GRAMD1B: variants seen among roughly 807,000 people sequenced by gnomAD.
GRAMD1B encodes the protein protein Aster-B.
A neutral mutation model predicts 99.7 loss-of-function variants in GRAMD1B; 37 were observed. The observed-to-expected ratio is 0.37, with a 90% CI of 0.29 to 0.49. The LOEUF is 0.49. Among genes scored for constraint, GRAMD1B ranks in the 20% least tolerant of loss-of-function variants. The probability of loss-of-function intolerance (pLI) is 0.98; values close to 1 mark genes in which losing one functional copy is unlikely to be tolerated. For synonymous variants in GRAMD1B, 427 were observed against 387.6 expected, an observed-to-expected ratio of 1.10 and a Z score of -1.19; for missense variants, 888 against 1,009.2, an observed-to-expected ratio of 0.88 and a Z score of 1.63.
chr11:123,511,296 G>T (rs2135298383), intron 2 of GRAMD1B, among the ~76,000 whole-genome samples: 1 of 152,280 alleles, frequency 6.6e-6, no homozygotes, highest in African/African-American at 2.4e-5. Context: ...GAGTTTTTAT[G>T]TGAGTGGCAG....
At chr11:123,548,291 AATATATAT>A (rs139996126) in intron 2 of GRAMD1B, among the ~76,000 whole-genome samples, 2,204 of 75,088 alleles carry the variant, frequency 0.029, 123 homozygotes, top group African/African-American at 0.11. Flanking sequence ...GCTGTGCCAA[AATATATAT>A]ATATATATAT....
chr11:123,419,639 C>CAACAA (rs759392443), intron 1 of GRAMD1B, among the ~76,000 whole-genome samples: 3 of 149,994 alleles, frequency 2.0e-5, no homozygotes, highest in African/African-American at 4.9e-5. Flanking sequence ...AAAACAACAA[C>CAACAA]AACAAAACAA....
At chr11:123,599,170 G>A in intron 7 of GRAMD1B, 1 of 780,182 alleles carries the variant, frequency 1.3e-6, no homozygotes, top group Non-Finnish European at 2.4e-6. Context: ...TGCTTCCGGT[G>A]GAATTCCTTT....
At chr11:123,517,647 G>T (rs896744978) in intron 2 of GRAMD1B, among the ~76,000 whole-genome samples, 2 of 105,376 alleles carry the variant, frequency 1.9e-5, no homozygotes, top group Middle Eastern at 5.1e-3. Flanking sequence ...ACACACCACC[G>T]GGGGTGGTGT....
intron 2 of GRAMD1B, among the ~76,000 whole-genome samples, chr11:123,554,544 AAG>A (rs1945975992): frequency 6.7e-6 from 1 of 149,432 alleles, no homozygotes; most frequent in Non-Finnish European, 1.5e-5. Flanking sequence ...AAAAAAAAAA[AAG>A]AAAGAAAGAA....
intron 1 of GRAMD1B, among the ~76,000 whole-genome samples, chr11:123,369,605 C>T (rs999658886): frequency 2.0e-5 from 3 of 152,140 alleles, no homozygotes; most frequent in Non-Finnish European, 4.4e-5. Context: ...GGCACGGTGG[C>T]TCATGCCTGC....
Position 123,580,890 on chromosome 11 carries a change from C to T in GRAMD1B, c.663+3313C>T, listed in dbSNP as rs148455625. Among the ~76,000 whole-genome samples, 456 of 149,310 alleles carry T rather than the reference C, an allele frequency of 3.1e-3. 4 individuals are homozygous for T. Among genetic ancestry groups the T allele is most frequent in the Admixed American group, 0.013 (192 of 14,834 alleles). On this transcript the variant is annotated intron_variant, in intron 3 of 19. Transcript: ENST00000635736. The stretch of plus-strand genomic sequence containing the variant: ...CGCTGGCGCTGTGGCACTGACCCTT[C>T]TTTGACTTTCCTTTTTTTTTTTTTT...
chr11:123,550,545 T>C (rs1319695070), intron 2 of GRAMD1B, among the ~76,000 whole-genome samples: 3 of 152,166 alleles, frequency 2.0e-5, no homozygotes, highest in Non-Finnish European at 4.4e-5. Context: ...TCGTTGTCTC[T>C]GGTTTAAAGG....
chr11:123,431,098 G>A lies in GRAMD1B; in HGVS notation c.306G>A (p.Pro102=). 2.8e-6 allele frequency: 2 copies of A among 703,036 alleles called. No individual in the cohort carries two copies. The highest frequency in any genetic ancestry group is 2.7e-5 in the East Asian group (1 of 37,276). 43.5% of individuals were successfully genotyped at this position (703,036 alleles called of 1,614,324 possible). Residue 102 remains proline, a synonymous_variant, in exon 1 of 20, where the codon CCG becomes CCA. Coordinates refer to ENST00000635736, the MANE Select transcript of GRAMD1B (RefSeq NM_001387025.1). ...ACTGCTCCACACCCAGCGCGTCCCC[G>A]CGCCGAAAACGCTTCCTCCTCCGCA... ...WSNCSTPSAS[P]RRKRFLLRKW...
At chr11:123,512,488 T>C (rs1394064623) in intron 2 of GRAMD1B, among the ~76,000 whole-genome samples, 1 of 152,168 alleles carries the variant, frequency 6.6e-6, no homozygotes, top group Admixed American at 6.5e-5. Context: ...TTAGTCCAGA[T>C]TGCACATGAT....
chr11:123,611,904 A>G (rs1297752005), intron 14 of GRAMD1B, among the ~76,000 whole-genome samples: 1 of 152,172 alleles, frequency 6.6e-6, no homozygotes, highest in African/African-American at 2.4e-5. Flanking sequence ...TGACAGATGC[A>G]GATGAACCTA....
chr11:123,381,686 C>T (rs1406980344), intron 1 of GRAMD1B, among the ~76,000 whole-genome samples: 1 of 152,220 alleles, frequency 6.6e-6, no homozygotes, highest in Non-Finnish European at 1.5e-5. Context: ...CATGTGTGCA[C>T]TGAATGCTGC....
chr11:123,508,892 C>T (rs116918386), intron 2 of GRAMD1B, among the ~76,000 whole-genome samples: 7,028 of 152,196 alleles, frequency 0.046, 213 homozygotes, highest in South Asian at 0.069. Context: ...ATTATGTTGG[C>T]CAGGCTGGTC....
chr11:123,491,959 A>G (rs1015272893), intron 2 of GRAMD1B: 13 of 399,142 alleles, frequency 3.3e-5, no homozygotes, highest in African/African-American at 2.1e-4. Flanking sequence ...CTGCGAGCCA[A>G]GTAGGTGGTG....
chr11:123,486,764 G>A (rs905084543), intron 2 of GRAMD1B, among the ~76,000 whole-genome samples: 1 of 152,132 alleles, frequency 6.6e-6, no homozygotes, highest in Non-Finnish European at 1.5e-5. Context: ...TATGCGTAAG[G>A]TAATAAAACT....
At chr11:123,427,231 G>A (rs1461660710), upstream of GRAMD1B, among the ~76,000 whole-genome samples, 1 of 152,222 alleles carries the variant, frequency 6.6e-6, no homozygotes, top group African/African-American at 2.4e-5. Flanking sequence ...CAGCTACTTT[G>A]AGAAATTGTT....
intron 2 of GRAMD1B, among the ~76,000 whole-genome samples, chr11:123,566,734 C>T (rs1475881881): frequency 6.6e-6 from 1 of 151,402 alleles, no homozygotes; most frequent in African/African-American, 2.4e-5. Context: ...CCACTGCACT[C>T]TAGCCTGGGA....
At position 123,612,767 on chromosome 11, in the gene GRAMD1B, C is replaced by A; in HGVS notation, c.1926C>A (p.Ser642=). The change falls in exon 15 of 20, where the codon TCC becomes TCA. Residue 642 remains serine (S), a synonymous_variant. Transcript: ENST00000635736. The part of the protein sequence containing the change: ...VARNKSRLRV[S]TELRYRKQPW... ...TGTCTGGCTTGCTCCTCAGGGTCTC[C>A]ACAGAGCTGCGCTATCGAAAACAGC... 1 of 1,594,574 alleles carries A rather than the reference C, an allele frequency of 6.3e-7. No individual in the cohort carries two copies. Among genetic ancestry groups the A allele is most frequent in the East Asian group, 2.2e-5 (1 of 44,550 alleles).
At chr11:123,460,787 T>C (rs1228084844) in intron 1 of GRAMD1B, among the ~76,000 whole-genome samples, 1 of 152,174 alleles carries the variant, frequency 6.6e-6, no homozygotes, top group African/African-American at 2.4e-5. Context: ...GGGCTGCTTG[T>C]CCTTGAGCTC....
Sources: gnomAD v4.1 joint callset for allele counts (sites outside exome capture counted in the v4.1 genomes callset) on GRCh38, gnomAD v4.1.1 for gene constraint, MANE v1.5 for transcripts, NCBI Gene and HGNC (gene_info 2026-07-23, HGNC 2026-07-21) for gene names.